The following DCLK2 variants were observed in gnomAD, a reference collection of about 807,000 sequenced individuals.
The protein encoded by DCLK2 is serine/threonine-protein kinase DCLK2.
A neutral mutation model predicts 78.4 loss-of-function variants in DCLK2; 31 were observed. The observed-to-expected ratio is 0.40, with a 90% confidence interval of 0.30 to 0.53. The LOEUF (loss-of-function observed/expected upper bound fraction) is 0.53, where lower values mean the gene tolerates loss of function less well. Ranked by LOEUF, DCLK2 falls within the 20% of genes least tolerant of loss-of-function variation. The probability of loss-of-function intolerance (pLI) is 0.61; values close to 1 mark genes in which losing one functional copy is unlikely to be tolerated. For missense variants in DCLK2, 872 were observed against 973.7 expected (o/e 0.90, Z 1.39); for synonymous variants, 407 against 374.9 (o/e 1.09, Z -0.99).
chr4:150,165,326 A>G (rs776430975), intron 2 of DCLK2, among the ~76,000 whole-genome samples: 13 of 152,138 alleles, frequency 8.5e-5, no homozygotes, highest in South Asian at 4.1e-4. Context: ...TAGAAATGCC[A>G]TGCGTGTTTG....
At chr4:150,203,490 G>A (rs1370465462) in intron 4 of DCLK2, among the ~76,000 whole-genome samples, 1 of 152,072 alleles carries the variant, frequency 6.6e-6, no homozygotes, top group African/African-American at 2.4e-5. Flanking sequence ...TTTGCTGGCA[G>A]GCAGGATACA....
intron 5 of DCLK2, among the ~76,000 whole-genome samples, chr4:150,205,052 T>C (rs1172225209): frequency 1.3e-5 from 2 of 152,208 alleles, no homozygotes; most frequent in African/African-American, 4.8e-5. Flanking sequence ...CTATTAGGAA[T>C]GTATTTTCCA....
At chr4:150,239,939 A>G (rs969944167) in intron 11 of DCLK2, 64 bp downstream of exon 11, 7 of 1,566,952 alleles carry the variant, frequency 4.5e-6, no homozygotes, top group East Asian at 2.3e-5. Flanking sequence ...TTTTGTTGCT[A>G]TTGCTGCTTG....
intron 2 of DCLK2, among the ~76,000 whole-genome samples, chr4:150,154,588 G>T (rs1011617292): frequency 4.6e-5 from 7 of 152,090 alleles, no homozygotes; most frequent in Middle Eastern, 3.4e-3. Context: ...ATTTTTTTTA[G>T]AAGCAAGCTT....
intron 2 of DCLK2, among the ~76,000 whole-genome samples, chr4:150,180,489 G>A (rs1007492976): frequency 6.6e-6 from 1 of 152,142 alleles, no homozygotes; most frequent in African/African-American, 2.4e-5. Flanking sequence ...CTGAGTCCTA[G>A]AGAGCATTTA....
At chr4:150,189,389 G>T (rs748950767) in intron 2 of DCLK2, among the ~76,000 whole-genome samples, 33 of 152,120 alleles carry the variant, frequency 2.2e-4, no homozygotes, top group Admixed American at 1.0e-3. Context: ...AAATGAACAA[G>T]AACTGTAAGT....
intron 2 of DCLK2, among the ~76,000 whole-genome samples, chr4:150,160,520 C>G (rs1160964929): frequency 6.6e-6 from 1 of 152,194 alleles, no homozygotes; most frequent in Non-Finnish European, 1.5e-5. Context: ...AAACCCAAAA[C>G]TCAAGGAAGT....
intron 10 of DCLK2, among the ~76,000 whole-genome samples, chr4:150,239,051 C>T (rs897862028): frequency 1.3e-5 from 2 of 152,154 alleles, no homozygotes; most frequent in African/African-American, 4.8e-5. Flanking sequence ...TCAAGTACAT[C>T]ACACATAGTA....
chr4:150,138,724 T>C (rs997212459), intron 2 of DCLK2, among the ~76,000 whole-genome samples: 1 of 152,270 alleles, frequency 6.6e-6, no homozygotes, highest in African/African-American at 2.4e-5. Flanking sequence ...TGGAGTGCAG[T>C]GGCACGATCT....
chr4:150,185,484 C>T (rs1007758681), intron 2 of DCLK2, among the ~76,000 whole-genome samples: 8 of 151,720 alleles, frequency 5.3e-5, no homozygotes, highest in South Asian at 4.2e-4. Flanking sequence ...GAGGCCAATG[C>T]GGGCGGATCA....
chr4:150,181,059 A>G (rs2150281656), intron 2 of DCLK2, among the ~76,000 whole-genome samples: 1 of 152,320 alleles, frequency 6.6e-6, no homozygotes, highest in Non-Finnish European at 1.5e-5. Context: ...GTCTTTGTCC[A>G]ATTATATTTC....
intron 12 of DCLK2, among the ~76,000 whole-genome samples, chr4:150,241,734 G>C (rs546098226): frequency 6.6e-6 from 1 of 152,286 alleles, no homozygotes; most frequent in Middle Eastern, 3.4e-3. Context: ...TGCAGATTTG[G>C]TGACTGTTGA....
At chr4:150,204,372 G>A (rs1349198116) in intron 5 of DCLK2, among the ~76,000 whole-genome samples, 1 of 152,072 alleles carries the variant, frequency 6.6e-6, no homozygotes, top group East Asian at 1.9e-4. Flanking sequence ...GGTCATCTTT[G>A]GTGAGGAACT....
intron 11 of DCLK2, 72 bp from the exon 12 acceptor site, chr4:150,240,327 C>CA: frequency 8.1e-7 from 1 of 1,232,644 alleles, no homozygotes; most frequent in Non-Finnish European, 1.2e-6. Context: ...CAAATAAAGG[C>CA]AATACTCCAG....
intron 15 of DCLK2, among the ~76,000 whole-genome samples, chr4:150,251,762 A>C (rs1322966510): frequency 1.0e-4 from 8 of 78,188 alleles, no homozygotes; most frequent in Admixed American, 1.6e-4. Flanking sequence ...TTCCCCACAC[A>C]CCCCACACAC....
rs755811746 is a variant in DCLK2, at chr4:150,249,715, T to G, written c.2073+31T>G. ...TGGAAGGCGGCAGGTCTGGCCTGAC[T>G]GCGGAGCCGGCCTTGAAGTTTTTGA... is the stretch of plus-strand genomic sequence containing the variant. On this transcript the variant is annotated intron_variant, in intron 15 of 15. Transcript: ENST00000296550. The G allele has an allele frequency of 3.2e-6, 5 of 1,578,806 alleles. No individual in the cohort carries two copies. The Admixed American group carries it at 5.0e-5, about 16-fold the overall frequency.
At chr4:150,231,626 C>T (rs183494718) in intron 8 of DCLK2, among the ~76,000 whole-genome samples, 1 of 152,272 alleles carries the variant, frequency 6.6e-6, no homozygotes, top group Admixed American at 6.5e-5. Context: ...AAACATTTTG[C>T]TACAGTGCTG....
intron 8 of DCLK2, among the ~76,000 whole-genome samples, chr4:150,231,113 G>A (rs1264595538): frequency 2.0e-5 from 3 of 152,170 alleles, no homozygotes; most frequent in Non-Finnish European, 4.4e-5. Context: ...CCTTTGGAAG[G>A]TGATAATGTG....
chr4:150,195,357 ATATATATTATATAATAT>A (rs1442275159), intron 3 of DCLK2, among the ~76,000 whole-genome samples: 1 of 7,120 alleles, frequency 1.4e-4, no homozygotes, highest in African/African-American at 5.5e-4. Context: ...ATTATATATT[ATATATATTATATAATAT>A]TATATAATAT....
Sources: allele counts gnomAD v4.1 joint callset (sites outside exome capture counted in the v4.1 genomes callset), GRCh38; gene constraint gnomAD v4.1.1; transcripts MANE v1.5; gene names NCBI Gene and HGNC (gene_info 2026-07-23, HGNC 2026-07-21).